Variants in NT5DC2 observed in about 807,000 individuals in gnomAD.
NT5DC2 encodes the protein 5'-nucleotidase domain-containing protein 2.
NT5DC2 carries 41 observed loss-of-function variants against 70.0 expected under a neutral mutation model. That is an observed-to-expected ratio of 0.59 (90% CI 0.46 to 0.76). The LOEUF (loss-of-function observed/expected upper bound fraction) is 0.76, where lower values mean the gene tolerates loss of function less well. Ranked by LOEUF, NT5DC2 falls within the 30% of genes least tolerant of loss-of-function variation. The pLI, the probability that NT5DC2 is intolerant of heterozygous loss-of-function variation, is 0.00. For synonymous variants in NT5DC2, 299 were observed against 310.4 expected, an observed-to-expected ratio of 0.96 and a Z score of 0.39; for missense variants, 705 against 783.2, an observed-to-expected ratio of 0.90 and a Z score of 1.19.
chr3:52,527,395 C>T lies in NT5DC2; in HGVS notation c.1038-20G>A, dbSNP rs186974363. ...AAAGGCCTGGGGTGCAGGTAAAGGG[C>T]ATGACTTCCAGTCTGTGGCTGGGCC... On this transcript the variant is annotated intron_variant, in intron 9 of 13. Transcript: ENST00000422318. 5.6e-6 allele frequency: 9 copies of T among 1,612,828 alleles called. No homozygotes were observed. Among genetic ancestry groups the T allele is most frequent in the Non-Finnish European group, 5.9e-6 (7 of 1,178,958 alleles).
rs1052055164 is a variant in NT5DC2, at chr3:52,531,529, G to A, written c.232+1977C>T. On this transcript the variant is annotated intron_variant, in intron 1 of 13. Transcript: ENST00000422318. This position sits in a 1 kb window ranked among gnomAD's most constrained non-coding sequence, Gnocchi z 4.1. ...CCTCTGCCCCTAAGGATGTTCCCAGGGGCCCAGGGGCAGACAGTCCTCCCA... is the reference window on the plus strand; with the variant it reads ...CCTCTGCCCCTAAGGATGTTCCCAGAGGCCCAGGGGCAGACAGTCCTCCCA... Among the ~76,000 whole-genome samples the A allele has an allele frequency of 2.0e-5, 3 of 151,984 alleles. No homozygotes were observed. Among genetic ancestry groups the A allele is most frequent in the Non-Finnish European group, 4.4e-5 (3 of 68,002 alleles).
rs755448469 is a variant in NT5DC2 at position 52,524,873 on chromosome 3, C to CTGAT, written c.1352_1355dup (p.Asp453SerfsTer53). The CTGAT allele has an allele frequency of 6.2e-6, 10 of 1,612,378 alleles. No individual in the cohort carries two copies. Among genetic ancestry groups the CTGAT allele is most frequent in the Middle Eastern group, 3.3e-4 (2 of 6,058 alleles). ...CCAGCACCTGCCTCGACTCCGCGTC[C>CTGAT]TGATAGGTCTGGGGACACAAAGTGT... On this transcript the variant is annotated frameshift_variant, in exon 13 of 14. Transcript: ENST00000422318. LOFTEE classifies it high-confidence loss of function.
chr3:52,524,904 G>C (rs549519776), intron 12 of NT5DC2, 23 bp from the exon 13 acceptor site: 1 of 1,611,992 alleles, frequency 6.2e-7, no homozygotes, highest in South Asian at 1.1e-5. Context: ...AGTGTGCATT[G>C]GGTGTGTGCA....
Position 52,531,231 on chromosome 3 carries a change from G to A in NT5DC2, c.233-1897C>T, listed in dbSNP as rs13066644. Among the ~76,000 whole-genome samples, 8,961 of 152,226 alleles carry A rather than the reference G, an allele frequency of 0.059. 348 individuals are homozygous for A. The highest frequency in any genetic ancestry group is 0.083 in the Non-Finnish European group (5,674 of 67,984). ...CTGGTTCCCCAGGCCAGCACAGAGCGGCTGCTCCGAAGATCTGTGGGTGTA... is the reference window on the plus strand; with the variant it reads ...CTGGTTCCCCAGGCCAGCACAGAGCAGCTGCTCCGAAGATCTGTGGGTGTA... On this transcript the variant is annotated intron_variant, in intron 1 of 13. Transcript: ENST00000422318. The surrounding 1 kb of genome is among the most constrained non-coding windows in gnomAD (Gnocchi z 4.1).
chr3:52,534,631 G>A (rs1268012937), upstream of NT5DC2: 2 of 1,613,554 alleles, frequency 1.2e-6, no homozygotes, highest in Admixed American at 1.7e-5. Context: ...TCTTTCCTGC[G>A]CAGAACCGCT....
chr3:52,528,403 G>A, intron 5 of NT5DC2, 43 bp downstream of exon 5: 1 of 1,612,814 alleles, frequency 6.2e-7, no homozygotes, highest in Non-Finnish European at 8.5e-7. Flanking sequence ...TGGGACATGG[G>A]CACATGTCCA....
intron 10 of NT5DC2, 67 bp downstream of exon 10, chr3:52,527,227 C>A: frequency 6.8e-7 from 1 of 1,469,868 alleles, no homozygotes; most frequent in African/African-American, 1.4e-5. Context: ...GCTGCCTCTG[C>A]ACAGCCTGGG....
chr3:52,532,218 G>A (rs1438594380), intron 1 of NT5DC2: 3 of 985,296 alleles, frequency 3.0e-6, no homozygotes, highest in Middle Eastern at 5.2e-4. Context: ...GAGCTTAGAG[G>A]GCTGTGAGGC....
At position 52,533,766 on chromosome 3, in the gene NT5DC2, CT is replaced by C. The variant is rs2153247382; in HGVS notation, c.-30del. 1 of 968,144 alleles carries C rather than the reference CT, an allele frequency of 1.0e-6. No homozygotes were observed. Among genetic ancestry groups the C allele is most frequent in the African/African-American group, 1.9e-5 (1 of 53,818 alleles). 60.0% of individuals were successfully genotyped at this position (968,144 alleles called of 1,614,324 possible). ...CACCGCGCGCCGCCCGCCGCCCGCG[CT>C]GCCCTCGGCCAGCCCGCCGCCCGCC... is the stretch of plus-strand genomic sequence containing the variant. On this transcript the variant is annotated 5_prime_UTR_variant, in exon 1 of 14. Coordinates refer to ENST00000422318, the MANE Select transcript of NT5DC2 (RefSeq NM_001134231.2).
At position 52,529,445 on chromosome 3, in the gene NT5DC2, A is replaced by C. The variant is rs978311868; in HGVS notation, c.233-111T>G. On this transcript the variant is annotated intron_variant, in intron 1 of 13. Transcript: ENST00000422318. The surrounding 1 kb of genome is among the most constrained non-coding windows in gnomAD (Gnocchi z 4.1). ...GCCCTGTGAGCCTCAGAAACGCCCC[A>C]CAATGGCACCTCTTATTCCAGTGCT... 1.2e-4 allele frequency: 118 copies of C among 971,704 alleles called. No individual in the cohort carries two copies. The highest frequency in any genetic ancestry group is 1.7e-4 in the Non-Finnish European group (112 of 645,486). The allele number at this position is 971,704 out of a possible 1,614,324, so 60.2% of individuals were successfully genotyped here. A position where few individuals can be genotyped will look rare whatever the true frequency, so the allele number is the denominator to read the frequency against.
At position 52,527,341 on chromosome 3, in the gene NT5DC2, G is replaced by A. The variant is rs767707641; in HGVS notation, c.1072C>T (p.Gln358Ter). Residue 358 changes from glutamine to a stop codon, truncating the protein, a stop_gained, in exon 10 of 14, where the codon CAG (glutamine) becomes TAG (stop). Transcript: ENST00000422318. LOFTEE classifies it high-confidence loss of function. The part of the protein sequence containing the change: ...FRKLDEKGSL[Q>*]WDRITRLEKG... ...TCCAAGCGGGTGATCCGGTCCCACT[G>A]AAGTGAGCCCTTCTCATCGAGTTTT... is the stretch of plus-strand genomic sequence containing the variant. The A allele has an allele frequency of 6.2e-7, 1 of 1,614,160 alleles. No homozygotes were observed. Among genetic ancestry groups the A allele is most frequent in the Non-Finnish European group, 8.5e-7 (1 of 1,180,022 alleles).
At chr3:52,527,202 G>T in intron 10 of NT5DC2, 92 bp downstream of exon 10, 2 of 1,211,530 alleles carry the variant, frequency 1.7e-6, no homozygotes, top group Non-Finnish European at 2.4e-6. Flanking sequence ...AAGGAGCTGT[G>T]CTGCTTCTTC....
upstream of NT5DC2, chr3:52,534,738 G>A (rs1386997807): frequency 2.0e-6 from 3 of 1,524,048 alleles, no homozygotes; most frequent in Non-Finnish European, 2.6e-6. Context: ...AGTAGCCGTG[G>A]GCCCTGTCGG....
Position 52,528,054 on chromosome 3 carries a change from T to C in NT5DC2, c.791A>G (p.His264Arg), listed in dbSNP as rs759599650. 8 of 1,612,310 alleles carry C rather than the reference T, an allele frequency of 5.0e-6. No individual in the cohort carries two copies. The Admixed American group carries it at 8.4e-5, about 17-fold the overall frequency. ...CCACTGGTACATGAGGCCCTTCACA[T>C]GCACGTCTCGGATGGCGTCCTGGGG... ...KDVTDAIRDV[H>R]VKGLMYQWIE... The change falls in exon 7 of 14, where the codon CAT becomes CGT. Residue 264 changes from histidine to arginine, a missense_variant. Transcript: ENST00000422318.
At chr3:52,526,506 C>T (rs545128335) in intron 10 of NT5DC2, 1 of 152,306 alleles carries the variant, frequency 6.6e-6, no homozygotes, top group African/African-American at 2.4e-5. Flanking sequence ...CTAATCCCAC[C>T]TCAACACCAG....
At position 52,527,812 on chromosome 3, in the gene NT5DC2, A is replaced by T; in HGVS notation, c.935+17T>A. ...CCCTGGCCCTGCTGTCCCTCCATCCACAGGGGCTGGACTCACACGAAGCTG... is the reference window on the plus strand; with the variant it reads ...CCCTGGCCCTGCTGTCCCTCCATCCTCAGGGGCTGGACTCACACGAAGCTG... On this transcript the variant is annotated intron_variant, in intron 8 of 13. Transcript: ENST00000422318. 1 of 1,611,952 alleles carries T rather than the reference A, an allele frequency of 6.2e-7. No individual in the cohort carries two copies. Among genetic ancestry groups the T allele is most frequent in the Non-Finnish European group, 8.5e-7 (1 of 1,178,886 alleles).
At position 52,528,482 on chromosome 3, in the gene NT5DC2, G is replaced by A. The variant is rs1164271716; in HGVS notation, c.606C>T (p.His202=). Residue 202 remains histidine, a synonymous_variant, in exon 5 of 14, where the codon CAC becomes CAT. Transcript: ENST00000422318. ...AGCCACTCATCTGGTATAGTGGGATGTGCTGGGTACCCCCATACAGCTCAA... is the reference window on the plus strand; with the variant it reads ...AGCCACTCATCTGGTATAGTGGGATATGCTGGGTACCCCCATACAGCTCAA... ...EVIELYGGTQ[H]IPLYQMSGFY... 1 of 1,613,650 alleles carries A rather than the reference G, an allele frequency of 6.2e-7. No homozygotes were observed. Among genetic ancestry groups the A allele is most frequent in the Non-Finnish European group, 8.5e-7 (1 of 1,180,030 alleles).
chr3:52,534,391 C>T (rs761120252), upstream of NT5DC2: 36 of 1,386,314 alleles, frequency 2.6e-5, no homozygotes, highest in African/African-American at 7.1e-5. Flanking sequence ...CTTCCCGGTG[C>T]CAGGCCCACG....
In NT5DC2 at chr3:52,524,971, G is replaced by A. The variant is rs771130852; in HGVS notation, c.1339C>T (p.Arg447Cys). The A allele has an allele frequency of 1.5e-5, 24 of 1,611,630 alleles. No homozygotes were observed. Among genetic ancestry groups the A allele is most frequent in the East Asian group, 4.5e-5 (2 of 44,850 alleles). The part of the protein sequence containing the change: ...WQQALTGLLE[R>C]MQTYQDAESR... ...GCCACCCCGGCCCACACCTGCATGCGCTCCAGCAGCCCCGTGAGCGCCTGC... is the reference window on the plus strand; with the variant it reads ...GCCACCCCGGCCCACACCTGCATGCACTCCAGCAGCCCCGTGAGCGCCTGC... Residue 447 changes from arginine (R) to cysteine (C), a missense_variant, in exon 12 of 14, where the codon CGC becomes TGC. Coordinates refer to ENST00000422318, the MANE Select transcript of NT5DC2 (RefSeq NM_001134231.2).
Sources: gnomAD v4.1 joint callset for allele counts (sites outside exome capture counted in the v4.1 genomes callset) on GRCh38, gnomAD v4.1.1 for gene constraint, Gnocchi (gnomAD v3.1) non-coding constraint, MANE v1.5 for transcripts, NCBI Gene and HGNC (gene_info 2026-07-23, HGNC 2026-07-21) for gene names.